The following NTM variants were observed in gnomAD, a reference collection of about 807,000 sequenced individuals.
NTM encodes IgLON family member 2.
A neutral mutation model predicts 42.1 loss-of-function variants in NTM; 13 were observed. The ratio of observed to expected loss-of-function variants is 0.31; its 90% CI spans 0.20 to 0.49. The LOEUF (loss-of-function observed/expected upper bound fraction) is 0.49. Among genes scored for constraint, NTM ranks in the 20% least tolerant of loss-of-function variants. NTM has a pLI of 0.99. For synonymous variants in NTM, 187 were observed against 179.2 expected, an observed-to-expected ratio of 1.04 and a Z score of -0.35; for missense variants, 373 against 452.8, an observed-to-expected ratio of 0.82 and a Z score of 1.60.
intron 1 of NTM, among the ~76,000 whole-genome samples, chr11:131,847,658 C>T (rs1414953125): frequency 1.3e-5 from 2 of 152,172 alleles, no homozygotes; most frequent in East Asian, 1.9e-4. Flanking sequence ...TTTGATGAAC[C>T]ATTTCTTACC....
At chr11:131,671,987 C>T (rs562762556) in intron 1 of NTM, among the ~76,000 whole-genome samples, 4 of 152,330 alleles carry the variant, frequency 2.6e-5, no homozygotes, top group South Asian at 2.1e-4. Context: ...CTGGCTGCAC[C>T]GCCTCTCAGC....
intron 1 of NTM, among the ~76,000 whole-genome samples, chr11:131,476,203 A>G (rs1952922572): frequency 6.6e-6 from 1 of 152,204 alleles, no homozygotes; most frequent in Admixed American, 6.5e-5. Flanking sequence ...ATGTTCTTCT[A>G]GAAAATTCAT....
chr11:131,606,566 A>G (rs1455789462), intron 1 of NTM, among the ~76,000 whole-genome samples: 1 of 152,174 alleles, frequency 6.6e-6, no homozygotes, highest in African/African-American at 2.4e-5. Flanking sequence ...ATAGTAGAAA[A>G]ACTTTTACGA....
At chr11:131,651,087 T>C (rs1592367032) in intron 1 of NTM, among the ~76,000 whole-genome samples, 2 of 152,356 alleles carry the variant, frequency 1.3e-5, no homozygotes, top group African/African-American at 4.8e-5. Context: ...CCTTAGATCC[T>C]GACTTTTGCA....
chr11:131,938,053 C>G (rs1471225670), intron 2 of NTM, among the ~76,000 whole-genome samples: 1 of 152,162 alleles, frequency 6.6e-6, no homozygotes, highest in Non-Finnish European at 1.5e-5. Context: ...TTCTCTAACA[C>G]GTATCGGGTG....
Position 132,293,989 on chromosome 11 carries a change from C to A in NTM, c.527-13700C>A, listed in dbSNP as rs142237060. On this transcript the variant is annotated intron_variant, in intron 4 of 8. Transcript: ENST00000683400. The stretch of plus-strand genomic sequence containing the variant: ...ATTGGTTATGGAAGTCTCCTGGAGA[C>A]GAGTGGTAACTGGAGCTGATACCAG... 8.0e-3 allele frequency among the ~76,000 whole-genome samples: 1,220 copies of A among 152,170 alleles called. 19 individuals carry two copies. Among genetic ancestry groups the A allele is most frequent in the African/African-American group, 0.027 (1,117 of 41,500 alleles).
At chr11:132,140,146 T>A (rs1293309454) in intron 2 of NTM, among the ~76,000 whole-genome samples, 4 of 152,182 alleles carry the variant, frequency 2.6e-5, no homozygotes, top group Non-Finnish European at 5.9e-5. Context: ...TGAGATAACC[T>A]CTCTGAGGCC....
At chr11:132,325,609 C>T (rs1186301697) in intron 7 of NTM, among the ~76,000 whole-genome samples, 9 of 151,904 alleles carry the variant, frequency 5.9e-5, no homozygotes, top group South Asian at 2.1e-4. Flanking sequence ...GTCAGTGTGG[C>T]GATTCCTCAG....
intron 1 of NTM, chr11:131,796,068 A>AAAGC (rs2091522607): frequency 1.4e-5 from 14 of 985,316 alleles, no homozygotes; most frequent in African/African-American, 1.2e-4. Context: ...GCCAAACAGG[A>AAAGC]AAGCGTAACT....
chr11:131,819,887 G>A (rs1160163533), intron 1 of NTM, among the ~76,000 whole-genome samples: 1 of 152,166 alleles, frequency 6.6e-6, no homozygotes, highest in Admixed American at 6.5e-5. Context: ...ATGCTGCTGT[G>A]GACGTGTGGG....
chr11:131,880,075 C>A (rs2049228161), intron 1 of NTM, among the ~76,000 whole-genome samples: 1 of 152,190 alleles, frequency 6.6e-6, no homozygotes, highest in African/African-American at 2.4e-5. Context: ...TTCTATTCCG[C>A]CTCCCTACCC....
intron 1 of NTM, among the ~76,000 whole-genome samples, chr11:131,834,017 T>C (rs2043159896): frequency 1.3e-5 from 2 of 152,208 alleles, no homozygotes; most frequent in African/African-American, 4.8e-5. Context: ...CATAGCCTCA[T>C]GGCATGAGGA....
intron 1 of NTM, among the ~76,000 whole-genome samples, chr11:131,664,090 G>A (rs972115325): frequency 1.3e-5 from 2 of 152,222 alleles, no homozygotes; most frequent in Non-Finnish European, 2.9e-5. Flanking sequence ...ATTCTTGACT[G>A]CTAGGCCTCT....
At chr11:131,983,591 G>C (rs983935740) in intron 2 of NTM, among the ~76,000 whole-genome samples, 1 of 152,046 alleles carries the variant, frequency 6.6e-6, no homozygotes, top group Non-Finnish European at 1.5e-5. Context: ...GGCTGGGCTA[G>C]TCTTGAACTC....
At chr11:131,457,703 C>G (rs866295091) in intron 1 of NTM, among the ~76,000 whole-genome samples, 2 of 151,266 alleles carry the variant, frequency 1.3e-5, no homozygotes, top group African/African-American at 2.5e-5. Context: ...ATGTGCAATG[C>G]ACTAAATGTT....
chr11:131,965,961 G>A (rs1173438239), intron 2 of NTM, among the ~76,000 whole-genome samples: 2 of 146,712 alleles, frequency 1.4e-5, no homozygotes, highest in Non-Finnish European at 3.0e-5. Flanking sequence ...GAGGGAGGGA[G>A]GGAGGGAAGG....
In NTM at chr11:132,134,406, T is replaced by C. The variant is rs2067369323; in HGVS notation, c.168-11876T>C. ...GAATAAGTTCTTCAGTGGTAATTTC[T>C]GAGCTTTTGGTGCACCTTCACTCGA... is the stretch of plus-strand genomic sequence containing the variant. On this transcript the variant is annotated intron_variant, in intron 2 of 8. Coordinates refer to ENST00000683400, the MANE Select transcript of NTM (RefSeq NM_001352005.2). 2.0e-5 allele frequency among the ~76,000 whole-genome samples: 3 copies of C among 152,116 alleles called. No individual in the cohort carries two copies. The South Asian group carries it at 6.2e-4, about 32-fold the overall frequency.
chr11:131,594,312 A>T (rs1207126241), intron 1 of NTM, among the ~76,000 whole-genome samples: 2 of 152,160 alleles, frequency 1.3e-5, no homozygotes, highest in Non-Finnish European at 1.5e-5. Flanking sequence ...GCATTAGTTG[A>T]GTATATTAGG....
intron 1 of NTM, among the ~76,000 whole-genome samples, chr11:131,513,980 G>C (rs1412375929): frequency 6.6e-6 from 1 of 152,066 alleles, no homozygotes; most frequent in Non-Finnish European, 1.5e-5. Flanking sequence ...CTTTACCTTG[G>C]CTTCTGCCTC....
Sources: allele counts gnomAD v4.1 joint callset (sites outside exome capture counted in the v4.1 genomes callset), GRCh38; gene constraint gnomAD v4.1.1; transcripts MANE v1.5; gene names NCBI Gene and HGNC (gene_info 2026-07-23, HGNC 2026-07-21).